WDPCP: variants seen among roughly 807,000 people sequenced by gnomAD.
The protein encoded by WDPCP is WD repeat containing planar cell polarity effector, also known as WD repeat-containing and planar cell polarity effector protein fritz homolog.
In WDPCP, 71 loss-of-function variants were observed where a neutral mutation model predicts 93.1. The ratio of observed to expected loss-of-function variants is 0.76; its 90% CI spans 0.63 to 0.93. The LOEUF is 0.93. Ranked by LOEUF, WDPCP falls within the 40% of genes least tolerant of loss-of-function variation. The pLI is 0.00. For synonymous variants in WDPCP, 315 were observed against 315.0 expected (o/e 1.00, Z 0.00); for missense variants, 844 against 887.4 (o/e 0.95, Z 0.62).
chr2:63,653,891 C>G (rs1281458928), intron 2 of WDPCP, among the ~76,000 whole-genome samples: 7 of 128,906 alleles, frequency 5.4e-5, no homozygotes, highest in African/African-American at 1.9e-4. Context: ...GCCTGTGCAA[C>G]AGAGCAAGAC....
chr2:63,637,536 A>G (rs1462512174), intron 3 of WDPCP, among the ~76,000 whole-genome samples: 2 of 152,064 alleles, frequency 1.3e-5, no homozygotes, highest in African/African-American at 2.4e-5. Context: ...TAAAATGTAT[A>G]AGGAACTCAT....
At chr2:63,648,856 A>G (rs74748801) in intron 3 of WDPCP, among the ~76,000 whole-genome samples, 6,969 of 152,240 alleles carry the variant, frequency 0.046, 191 homozygotes, top group South Asian at 0.072. Context: ...TCAAAGATCA[A>G]CTTAGTGTTC....
intron 2 of WDPCP, among the ~76,000 whole-genome samples, chr2:63,778,458 T>C (rs112165353): frequency 0.013 from 1,965 of 152,064 alleles, 20 homozygotes; most frequent in Non-Finnish European, 0.015. Context: ...CCACCCACCT[T>C]AGTCTCCCAA....
chr2:63,290,046 T>A (rs1398879743), intron 13 of WDPCP, among the ~76,000 whole-genome samples: 16 of 151,694 alleles, frequency 1.1e-4, no homozygotes, highest in Admixed American at 9.2e-4. Flanking sequence ...AAAAAAAAAA[T>A]TCATGTCTGC....
At chr2:63,810,138 T>C (rs893686835) in intron 2 of WDPCP, among the ~76,000 whole-genome samples, 1 of 152,160 alleles carries the variant, frequency 6.6e-6, no homozygotes, top group Non-Finnish European at 1.5e-5. Context: ...AAACAGAAGT[T>C]GGTTTTATAC....
chr2:63,557,050 A>C (rs183788756), intron 1 of WDPCP, among the ~76,000 whole-genome samples: 2 of 152,186 alleles, frequency 1.3e-5, no homozygotes, highest in Admixed American at 1.3e-4. Context: ...AACGTTATCA[A>C]CCACTACAAA....
chr2:63,747,905 T>C (rs1355125854), intron 2 of WDPCP, among the ~76,000 whole-genome samples: 2 of 152,080 alleles, frequency 1.3e-5, no homozygotes, highest in African/African-American at 2.4e-5. Flanking sequence ...TCTAGTTCTA[T>C]TGTTTCTTAA....
At chr2:63,707,913 G>A (rs1346603332) in intron 2 of WDPCP, among the ~76,000 whole-genome samples, 1 of 152,168 alleles carries the variant, frequency 6.6e-6, no homozygotes, top group Admixed American at 6.5e-5. Flanking sequence ...GTTTGCCTGG[G>A]TATCAGCAGC....
chr2:63,492,908 G>A lies in WDPCP; in HGVS notation c.108C>T (p.Phe36=). The A allele has an allele frequency of 1.2e-6, 2 of 1,613,572 alleles. No homozygotes were observed. Among genetic ancestry groups the A allele is most frequent in the Non-Finnish European group, 1.7e-6 (2 of 1,179,896 alleles). The change falls in exon 2 of 18, where the codon TTC becomes TTT. Residue 36 remains phenylalanine, a synonymous_variant. Transcript: ENST00000272321. Reference sequence around the variant, plus strand: ...ACCACAGGTGCAGTTCAGTCAAGCAGAAAGACATCTGATGGCAGAAGGAAT... The same window carrying A: ...ACCACAGGTGCAGTTCAGTCAAGCAAAAAGACATCTGATGGCAGAAGGAAT... ...DRDSFCHQMS[F]CLTELHLWSL... is the part of the protein sequence containing the mutation.
chr2:63,177,132 T>A (rs1673869648), intron 14 of WDPCP, among the ~76,000 whole-genome samples: 1 of 152,232 alleles, frequency 6.6e-6, no homozygotes, highest in South Asian at 2.1e-4. Flanking sequence ...TCTGTGTTTA[T>A]GCCAGTACTA....
intron 1 of WDPCP, among the ~76,000 whole-genome samples, chr2:63,539,580 C>T (rs913154312): frequency 1.3e-5 from 2 of 151,862 alleles, no homozygotes; most frequent in Non-Finnish European, 2.9e-5. Flanking sequence ...TAATTGGTTG[C>T]GAGGATGAGT....
chr2:63,484,470 A>G lies in WDPCP; in HGVS notation c.384+134T>C. 3 of 940,608 alleles carry G rather than the reference A, an allele frequency of 3.2e-6. No individual in the cohort carries two copies. The South Asian group carries it at 4.4e-5, about 14-fold the overall frequency. 58.3% of individuals were successfully genotyped at this position (940,608 alleles called of 1,614,324 possible). On this transcript the variant is annotated intron_variant, in intron 6 of 17. Coordinates refer to ENST00000272321, the MANE Select transcript of WDPCP (RefSeq NM_015910.7). ...GTCTAATGTTAGCTCTAGAACAACT[A>G]GAATTCAAACTATGAAATAACCACT...
intron 1 of WDPCP, chr2:63,564,570 G>A (rs984088531): frequency 1.3e-5 from 2 of 152,024 alleles, no homozygotes; most frequent in African/African-American, 4.8e-5. Flanking sequence ...GTTTGAGTTC[G>A]GCTAACCAGA....
intron 3 of WDPCP, chr2:63,607,191 A>G (rs955989108): frequency 1.2e-5 from 4 of 331,618 alleles, no homozygotes; most frequent in African/African-American, 4.3e-5. Context: ...TATATATTCA[A>G]ATGAAAGTGA....
chr2:63,495,472 G>C (rs1451649256), intron 1 of WDPCP, among the ~76,000 whole-genome samples: 1 of 152,128 alleles, frequency 6.6e-6, no homozygotes, highest in Non-Finnish European at 1.5e-5. Flanking sequence ...TAAGTAAACT[G>C]CAGACTTTTC....
chr2:63,384,855 A>G (rs1315544034), intron 10 of WDPCP, among the ~76,000 whole-genome samples: 1 of 152,094 alleles, frequency 6.6e-6, no homozygotes, highest in African/African-American at 2.4e-5. Flanking sequence ...GACACCAAAA[A>G]TGAAGATATT....
intron 6 of WDPCP, among the ~76,000 whole-genome samples, chr2:63,455,357 T>C (rs1698543474): frequency 1.3e-5 from 2 of 151,164 alleles, no homozygotes; most frequent in South Asian, 4.2e-4. Context: ...GAACAGATTT[T>C]TAAAAACCGT....
intron 12 of WDPCP, among the ~76,000 whole-genome samples, chr2:63,372,991 C>T (rs531532908): frequency 3.0e-4 from 45 of 152,094 alleles, no homozygotes; most frequent in African/African-American, 8.9e-4. Context: ...GGCATGGTGG[C>T]GCATTCCTGT....
intron 2 of WDPCP, among the ~76,000 whole-genome samples, chr2:63,789,944 G>A (rs1670523349): frequency 6.6e-6 from 1 of 152,160 alleles, no homozygotes; most frequent in Admixed American, 6.5e-5. Flanking sequence ...ACTTGAATTA[G>A]CATGTGAATT....
Sources: gnomAD v4.1 joint callset for allele counts (sites outside exome capture counted in the v4.1 genomes callset) on GRCh38, gnomAD v4.1.1 for gene constraint, MANE v1.5 for transcripts, NCBI Gene and HGNC (gene_info 2026-07-23, HGNC 2026-07-21) for gene names.